The following KNTC1 variants were observed in gnomAD, a reference collection of about 807,000 sequenced individuals.
KNTC1 encodes the protein kinetochore associated 1.
Under a neutral mutation model 314.4 loss-of-function variants are expected in KNTC1, and 253 were observed. The ratio of observed to expected loss-of-function variants is 0.80; its 90% CI spans 0.73 to 0.89. The LOEUF is 0.89. KNTC1 is among the 40% of genes least tolerant of loss of function. KNTC1 has a pLI of 0.00. For missense variants in KNTC1, 2,475 were observed against 2,572.9 expected, an observed-to-expected ratio of 0.96 and a Z score of 0.82; for synonymous variants, 901 against 901.4, an observed-to-expected ratio of 1.00 and a Z score of 0.01.
At position 122,557,416 on chromosome 12, in the gene KNTC1, G is replaced by A; in HGVS notation, c.1305G>A (p.Leu435=). 2 of 1,613,604 alleles carry A rather than the reference G, an allele frequency of 1.2e-6. No homozygotes were observed. Among genetic ancestry groups the A allele is most frequent in the East Asian group, 2.2e-5 (1 of 44,874 alleles). The change falls in exon 17 of 64, where the codon TTG becomes TTA. Residue 435 remains leucine, a synonymous_variant. Coordinates refer to ENST00000333479, the MANE Select transcript of KNTC1 (RefSeq NM_014708.6). ...LVYKVKSNHI[L]EKLALSSVDA... is the part of the protein sequence containing the mutation. The stretch of plus-strand genomic sequence containing the variant: ...ACAAGGTCAAGTCAAATCATATATT[G>A]GAGAAACTGGCATTGAGTTCTGTGG...
chr12:122,550,526 A>G (rs1477533434), intron 13 of KNTC1, among the ~76,000 whole-genome samples: 1 of 152,054 alleles, frequency 6.6e-6, no homozygotes, highest in East Asian at 1.9e-4. Flanking sequence ...TTGTCGAGAC[A>G]GGGTCTTGCT....
At chr12:122,622,675 A>C (rs1284980955) in intron 62 of KNTC1, 68 bp downstream of exon 62, 1 of 1,258,568 alleles carries the variant, frequency 7.9e-7, no homozygotes, top group African/African-American at 1.5e-5. Context: ...TAAGCTGGGC[A>C]CGATGGCTCA....
At chr12:122,535,259 C>T (rs942912604) in intron 3 of KNTC1, among the ~76,000 whole-genome samples, 2 of 151,590 alleles carry the variant, frequency 1.3e-5, no homozygotes, top group Non-Finnish European at 2.9e-5. Flanking sequence ...CGTGGTGGCT[C>T]ATGCCTGCAA....
intron 16 of KNTC1, 74 bp from the exon 17 acceptor site, chr12:122,557,310 C>T: frequency 1.4e-6 from 2 of 1,431,098 alleles, no homozygotes; most frequent in East Asian, 2.3e-5. Context: ...TTTCACTCAG[C>T]TTACTCTGAG....
chr12:122,600,542 G>A (rs766559812), intron 44 of KNTC1, among the ~76,000 whole-genome samples: 3 of 152,174 alleles, frequency 2.0e-5, no homozygotes, highest in Non-Finnish European at 4.4e-5. Flanking sequence ...TCTAAGAAAA[G>A]GATCAGTTTC....
Position 122,582,925 on chromosome 12 carries a change from C to T in KNTC1, c.3203C>T (p.Ala1068Val), listed in dbSNP as rs759537334. ...ALQMSKQELEAELTLRALKDG... is the reference protein window; with the variant it reads ...ALQMSKQELEVELTLRALKDG... ...CAGATGTCCAAACAAGAGCTGGAGG[C>T]AGAGCTGACCTTGAGAGCCTTAAAA... The change falls in exon 34 of 64, where the codon GCA (alanine) becomes GTA (valine). Residue 1068 changes from alanine to valine, a missense_variant. Coordinates refer to ENST00000333479, the MANE Select transcript of KNTC1 (RefSeq NM_014708.6). 2 of 1,613,560 alleles carry T rather than the reference C, an allele frequency of 1.2e-6. No homozygotes were observed. The highest frequency in any genetic ancestry group is 2.2e-5 in the South Asian group (2 of 91,012).
Position 122,538,424 on chromosome 12 carries a change from T to C in KNTC1, c.336T>C (p.His112=), listed in dbSNP as rs201526804. 1.8e-5 allele frequency: 29 copies of C among 1,598,910 alleles called. No individual in the cohort carries two copies. The South Asian group carries it at 2.2e-4, about 12-fold the overall frequency. Residue 112 remains histidine, a synonymous_variant, in exon 4 of 64, where the codon CAT becomes CAC. Coordinates refer to ENST00000333479, the MANE Select transcript of KNTC1 (RefSeq NM_014708.6). ...GAAGTGGCAACCTACATCTTATTCA[T>C]GTAACATCAAAACAAACACTACTCA... The part of the protein sequence containing the change: ...GERSGNLHLI[H]VTSKQTLLTN...
At chr12:122,614,774 G>A (rs568093364) in intron 55 of KNTC1, among the ~76,000 whole-genome samples, 3 of 152,012 alleles carry the variant, frequency 2.0e-5, no homozygotes, top group Non-Finnish European at 2.9e-5. Flanking sequence ...CCAGCTACTC[G>A]GGAAGCTGAG....
chr12:122,562,493 T>C, intron 19 of KNTC1, 145 bp from the exon 20 acceptor site: 1 of 573,234 alleles, frequency 1.7e-6, no homozygotes, highest in South Asian at 2.0e-5. Flanking sequence ...GTGTGTGAAA[T>C]AAAGGCAGTC....
intron 42 of KNTC1, among the ~76,000 whole-genome samples, chr12:122,591,868 C>T (rs1053970175): frequency 5.3e-5 from 8 of 152,236 alleles, no homozygotes; most frequent in Non-Finnish European, 1.0e-4. Context: ...GCGGGCAGTC[C>T]TCACAGCCCT....
At position 122,584,152 on chromosome 12, in the gene KNTC1, T is replaced by C. The variant is rs1210602777; in HGVS notation, c.3264-126T>C. 8.2e-6 allele frequency: 6 copies of C among 733,202 alleles called. No homozygotes were observed. In the Admixed American group the frequency reaches 1.4e-4, roughly 18 times the overall value. The allele number at this position is 733,202 out of a possible 1,614,324, so 45.4% of individuals were successfully genotyped here. A position where few individuals can be genotyped will look rare whatever the true frequency, so the allele number is the denominator to read the frequency against. ...AAAACAAAAGAAAAACTACACTATATACCATGAGAACATTTAAAAGACATT... is the reference window on the plus strand; with the variant it reads ...AAAACAAAAGAAAAACTACACTATACACCATGAGAACATTTAAAAGACATT... On this transcript the variant is annotated intron_variant, in intron 34 of 63. Transcript: ENST00000333479.
At chr12:122,537,787 A>C (rs1356269691) in intron 3 of KNTC1, among the ~76,000 whole-genome samples, 7 of 152,134 alleles carry the variant, frequency 4.6e-5, no homozygotes, top group Admixed American at 4.6e-4. Flanking sequence ...CTGTTCTCAG[A>C]TATATGTAAA....
In KNTC1 at chr12:122,610,778, A is replaced by G. The variant is rs762355716; in HGVS notation, c.5544-44A>G. The stretch of plus-strand genomic sequence containing the variant: ...GATAAGTCTGTTGTTTTGGTAATCC[A>G]TCACTAAATTAAAAAATGACTGTAA... On this transcript the variant is annotated intron_variant, in intron 52 of 63. Coordinates refer to ENST00000333479, the MANE Select transcript of KNTC1 (RefSeq NM_014708.6). 1.1e-5 allele frequency: 13 copies of G among 1,234,590 alleles called. No individual in the cohort carries two copies. In the South Asian group the frequency reaches 1.3e-4, roughly 13 times the overall value. 76.5% of individuals were successfully genotyped at this position (1,234,590 alleles called of 1,614,324 possible).
Position 122,590,672 on chromosome 12 carries a change from AG to A in KNTC1, c.4066del (p.Asp1356MetfsTer10). 1 of 1,613,808 alleles carries A rather than the reference AG, an allele frequency of 6.2e-7. No homozygotes were observed. Among genetic ancestry groups the A allele is most frequent in the Non-Finnish European group, 8.5e-7 (1 of 1,179,768 alleles). The stretch of plus-strand genomic sequence containing the variant: ...GTTACTGCACTCTCTTACCTCAAAA[AG>A]ATGTGTTTGAAAATCTCTGGAAGCT... The part of the protein sequence containing the change: ...LGYCTLLPQK[D>X]VFENLWKLID... On this transcript the variant is annotated frameshift_variant, in exon 41 of 64. Coordinates refer to ENST00000333479, the MANE Select transcript of KNTC1 (RefSeq NM_014708.6).
At chr12:122,540,863 T>G (rs1962250253) in intron 5 of KNTC1, among the ~76,000 whole-genome samples, 1 of 152,150 alleles carries the variant, frequency 6.6e-6, no homozygotes, top group Non-Finnish European at 1.5e-5. Flanking sequence ...TACTATAATA[T>G]TTGATCATTA....
chr12:122,601,860 A>T, intron 45 of KNTC1: 1 of 337,946 alleles, frequency 3.0e-6, no homozygotes, highest in Non-Finnish European at 5.1e-6. Flanking sequence ...GGTGATTTAA[A>T]TAACCTCTCC....
At chr12:122,541,836 T>A (rs1322343734) in intron 5 of KNTC1, among the ~76,000 whole-genome samples, 2 of 151,074 alleles carry the variant, frequency 1.3e-5, no homozygotes, top group Admixed American at 1.3e-4. Context: ...CTGGCCAACA[T>A]GGTGAAACCC....
intron 10 of KNTC1, 57 bp from the exon 11 acceptor site, chr12:122,547,356 CAA>C (rs1259625047): frequency 2.4e-5 from 26 of 1,088,662 alleles, no homozygotes; most frequent in South Asian, 4.0e-5. Context: ...GCCTGGGCGA[CAA>C]GAGCAAAACT....
intron 16 of KNTC1, 108 bp from the exon 17 acceptor site, chr12:122,557,276 G>T: frequency 9.8e-7 from 1 of 1,017,520 alleles, no homozygotes. Flanking sequence ...AGCGCATGAG[G>T]ATTCACCTTT....
Sources: gnomAD v4.1 joint callset for allele counts (sites outside exome capture counted in the v4.1 genomes callset) on GRCh38, gnomAD v4.1.1 for gene constraint, MANE v1.5 for transcripts, NCBI Gene and HGNC (gene_info 2026-07-23, HGNC 2026-07-21) for gene names.